CUL3: variants seen among roughly 807,000 people sequenced by gnomAD.
CUL3 encodes cullin-3.
A neutral mutation model predicts 89.1 loss-of-function variants in CUL3; 19 were observed. That is an observed-to-expected ratio of 0.21 (90% CI 0.15 to 0.31). The LOEUF (loss-of-function observed/expected upper bound fraction) is 0.31, where lower values mean the gene tolerates loss of function less well. CUL3 is among the 10% of genes least tolerant of loss of function. The pLI is 1.00. For synonymous variants in CUL3, 351 were observed against 308.4 expected (o/e 1.14, Z -1.45); for missense variants, 469 against 942.3 (o/e 0.50, Z 6.58).
At chr2:224,561,244 C>T (rs1694891920) in intron 1 of CUL3, among the ~76,000 whole-genome samples, 2 of 152,290 alleles carry the variant, frequency 1.3e-5, no homozygotes, top group Admixed American at 6.5e-5. Context: ...ATTCATACTT[C>T]GGTGACTGAT....
chr2:224,508,652 T>C (rs1395301169), intron 6 of CUL3, among the ~76,000 whole-genome samples: 2 of 152,146 alleles, frequency 1.3e-5, no homozygotes, highest in Non-Finnish European at 2.9e-5. Flanking sequence ...TATTTCTACA[T>C]ACACTTAATA....
intron 13 of CUL3, among the ~76,000 whole-genome samples, chr2:224,488,932 T>A (rs12611472): frequency 6.6e-6 from 1 of 151,996 alleles, no homozygotes; most frequent in African/African-American, 2.4e-5. Context: ...GTTGGCTTCA[T>A]CCCTGGGATG....
chr2:224,570,669 T>C (rs914257362), intron 1 of CUL3, among the ~76,000 whole-genome samples: 2 of 152,092 alleles, frequency 1.3e-5, no homozygotes, highest in African/African-American at 4.8e-5. Flanking sequence ...AGATTATCAA[T>C]TAGAAAAGCA....
chr2:224,511,637 C>T, intron 5 of CUL3, 55 bp from the exon 6 acceptor site: 1 of 1,022,478 alleles, frequency 9.8e-7, no homozygotes, highest in Non-Finnish European at 1.4e-6. Context: ...AGTGTTTTTG[C>T]TTTTAGCTGG....
intron 2 of CUL3, among the ~76,000 whole-genome samples, chr2:224,544,409 T>C (rs572798880): frequency 6.6e-6 from 1 of 152,298 alleles, no homozygotes; most frequent in East Asian, 1.9e-4. Context: ...CCTACAAAAA[T>C]AGCACTTAAT....
chr2:224,503,136 AAG>A, intron 9 of CUL3, 64 bp from the exon 10 acceptor site: 1 of 1,041,080 alleles, frequency 9.6e-7, no homozygotes, highest in South Asian at 1.3e-5. Context: ...AAAGTACAGA[AAG>A]AAATAAATTA....
rs1054292471 is a variant in CUL3, at chr2:224,470,734, G to C, written c.*3511C>G. 4.3e-6 allele frequency: 1 copy of C among 231,746 alleles called. No individual in the cohort carries two copies. Among genetic ancestry groups the C allele is most frequent in the Non-Finnish European group, 8.5e-6 (1 of 117,162 alleles). 14.4% of individuals were successfully genotyped at this position (231,746 alleles called of 1,614,324 possible). A position where few individuals can be genotyped will look rare whatever the true frequency, so the allele number is the denominator to read the frequency against. ...TTCCCTGTTTTCCTTCCTACCAAAA[G>C]TTGGTATCAGCAAATAATGTAAAGC... is the stretch of plus-strand genomic sequence containing the variant. On this transcript the variant is annotated 3_prime_UTR_variant, in exon 16 of 16. Transcript: ENST00000264414.
intron 3 of CUL3, among the ~76,000 whole-genome samples, chr2:224,518,344 G>C (rs1250275071): frequency 6.6e-6 from 1 of 152,130 alleles, no homozygotes; most frequent in African/African-American, 2.4e-5. Flanking sequence ...CCATTGCATG[G>C]ATACACCACA....
At chr2:224,542,367 C>T (rs534126024) in intron 2 of CUL3, among the ~76,000 whole-genome samples, 2 of 152,180 alleles carry the variant, frequency 1.3e-5, no homozygotes, top group Admixed American at 6.5e-5. Context: ...ACTCTTTCAC[C>T]CAGGCTGGAG....
intron 2 of CUL3, among the ~76,000 whole-genome samples, chr2:224,542,922 A>G (rs1051740351): frequency 2.0e-5 from 3 of 152,218 alleles, no homozygotes; most frequent in Non-Finnish European, 4.4e-5. Context: ...TGGATTGACA[A>G]GGAAGCAATA....
chr2:224,486,344 A>C (rs967770983), intron 13 of CUL3, among the ~76,000 whole-genome samples: 1 of 152,128 alleles, frequency 6.6e-6, no homozygotes, highest in African/African-American at 2.4e-5. Context: ...TCTAACCCTA[A>C]GAAGCTAAGA....
At chr2:224,567,568 T>A (rs1208940343) in intron 1 of CUL3, among the ~76,000 whole-genome samples, 1 of 151,846 alleles carries the variant, frequency 6.6e-6, no homozygotes, top group South Asian at 2.1e-4. Context: ...TGAAACCCCA[T>A]CCCTACTAAA....
At chr2:224,561,337 T>C (rs181280798) in intron 1 of CUL3, among the ~76,000 whole-genome samples, 10 of 152,340 alleles carry the variant, frequency 6.6e-5, no homozygotes, top group Middle Eastern at 3.4e-3. Context: ...TAAGCAACAT[T>C]GATCAGCTTC....
intron 5 of CUL3, among the ~76,000 whole-genome samples, chr2:224,512,376 G>C (rs544590069): frequency 6.6e-6 from 1 of 152,164 alleles, no homozygotes; most frequent in Non-Finnish European, 1.5e-5. Context: ...GATTACAGGC[G>C]TGAGCCACTG....
chr2:224,508,268 G>A (rs1559149990), intron 6 of CUL3, among the ~76,000 whole-genome samples: 1 of 152,122 alleles, frequency 6.6e-6, no homozygotes, highest in Non-Finnish European at 1.5e-5. Flanking sequence ...CTTTATTTCA[G>A]TGACTTTCAG....
At chr2:224,573,111 A>G (rs1695220272) in intron 1 of CUL3, among the ~76,000 whole-genome samples, 1 of 152,258 alleles carries the variant, frequency 6.6e-6, no homozygotes, top group African/African-American at 2.4e-5. Context: ...GTACACCAAA[A>G]GTAGTAAATT....
chr2:224,528,805 A>C (rs1427807675), intron 3 of CUL3, among the ~76,000 whole-genome samples: 2 of 151,934 alleles, frequency 1.3e-5, no homozygotes, highest in Admixed American at 1.3e-4. Context: ...TATTCCCTCT[A>C]ATCTCCTTTC....
chr2:224,567,478 G>A (rs548816307), intron 1 of CUL3, among the ~76,000 whole-genome samples: 82 of 152,186 alleles, frequency 5.4e-4, no homozygotes, highest in African/African-American at 1.8e-3. Context: ...GGTGGCTCAC[G>A]CCTGTAATCC....
intron 1 of CUL3, among the ~76,000 whole-genome samples, chr2:224,561,712 T>C (rs538624918): frequency 6.6e-6 from 1 of 152,198 alleles, no homozygotes; most frequent in Non-Finnish European, 1.5e-5. Flanking sequence ...GATATCCTGA[T>C]AGGATGTCAT....
Sources: allele counts gnomAD v4.1 joint callset (sites outside exome capture counted in the v4.1 genomes callset), GRCh38; gene constraint gnomAD v4.1.1; transcripts MANE v1.5; gene names NCBI Gene and HGNC (gene_info 2026-07-23, HGNC 2026-07-21).